CFAP299: variants seen among roughly 807,000 people sequenced by gnomAD.
CFAP299 encodes cilia and flagella associated protein 299.
In CFAP299, 21 loss-of-function variants were observed where a neutral mutation model predicts 27.0. The observed-to-expected ratio is 0.78, with a 90% CI of 0.55 to 1.12. The LOEUF is 1.12. Ranked by LOEUF, CFAP299 falls within the 50% of genes most tolerant of loss-of-function variation. CFAP299 has a pLI of 0.00. For missense variants in CFAP299, 310 were observed against 276.6 expected (o/e 1.12, Z -0.86); for synonymous variants, 104 against 98.1 (o/e 1.06, Z -0.36).
At chr4:80,719,075 A>C (rs1038143504) in intron 3 of CFAP299, among the ~76,000 whole-genome samples, 1 of 152,160 alleles carries the variant, frequency 6.6e-6, no homozygotes, top group East Asian at 1.9e-4. Context: ...CTTACTTATA[A>C]GTGGGAGCTA....
chr4:80,806,480 C>A (rs1253762926), intron 3 of CFAP299, among the ~76,000 whole-genome samples: 1 of 152,112 alleles, frequency 6.6e-6, no homozygotes. Flanking sequence ...ATTCATTCAG[C>A]AAATATTTAT....
At chr4:80,447,609 C>A (rs1320468797) in intron 2 of CFAP299, among the ~76,000 whole-genome samples, 1 of 151,940 alleles carries the variant, frequency 6.6e-6, no homozygotes, top group African/African-American at 2.4e-5. Flanking sequence ...TATGCGCCAC[C>A]ATGCCCTGCT....
At chr4:80,865,668 G>A (rs924619281) in intron 3 of CFAP299, among the ~76,000 whole-genome samples, 3 of 151,762 alleles carry the variant, frequency 2.0e-5, no homozygotes, top group Non-Finnish European at 2.9e-5. Context: ...TCACTAAAAA[G>A]TCTTCTTAAA....
chr4:80,865,479 A>G (rs752350617), intron 3 of CFAP299, among the ~76,000 whole-genome samples: 5 of 152,182 alleles, frequency 3.3e-5, no homozygotes, highest in Non-Finnish European at 5.9e-5. Context: ...CTGCCTCTAT[A>G]ACCCTCAACT....
chr4:80,866,427 T>C (rs550782256), intron 3 of CFAP299, among the ~76,000 whole-genome samples: 13 of 152,040 alleles, frequency 8.6e-5, no homozygotes, highest in Non-Finnish European at 1.9e-4. Flanking sequence ...GCAGGGAGTC[T>C]CTGTTGCTCT....
At chr4:80,841,629 C>T (rs1398504871) in intron 3 of CFAP299, among the ~76,000 whole-genome samples, 2 of 151,936 alleles carry the variant, frequency 1.3e-5, no homozygotes, top group Non-Finnish European at 2.9e-5. Flanking sequence ...ATTAGGATCC[C>T]CAGATAACTA....
At chr4:80,374,332 C>T (rs1724298136) in intron 2 of CFAP299, among the ~76,000 whole-genome samples, 1 of 152,000 alleles carries the variant, frequency 6.6e-6, no homozygotes, top group African/African-American at 2.4e-5. Context: ...CCTACCATGT[C>T]CCTATCTGTG....
At position 80,493,664 on chromosome 4, in the gene CFAP299, A is replaced by T. The variant is rs188752425; in HGVS notation, c.243-89429A>T. 5.0e-3 allele frequency among the ~76,000 whole-genome samples: 764 copies of T among 151,946 alleles called. 4 individuals are homozygous for T. Among genetic ancestry groups the T allele is most frequent in the Middle Eastern group, 0.017 (5 of 290 alleles). ...ATTCTTTGAAGAGCATTTAGAATTC[A>T]TATTCAATACCATAGCTACAGACTA... On this transcript the variant is annotated intron_variant, in intron 2 of 5. Coordinates refer to ENST00000358105, the MANE Select transcript of CFAP299 (RefSeq NM_152770.3).
chr4:80,575,165 G>A (rs944251678), intron 2 of CFAP299, among the ~76,000 whole-genome samples: 11 of 151,684 alleles, frequency 7.3e-5, no homozygotes, highest in Non-Finnish European at 5.9e-5. Context: ...TTTATGTTTT[G>A]GTTTTCTTCA....
At chr4:80,400,625 G>A (rs187857018) in intron 2 of CFAP299, among the ~76,000 whole-genome samples, 58 of 152,174 alleles carry the variant, frequency 3.8e-4, no homozygotes, top group African/African-American at 8.9e-4. Context: ...GGAATTGTCC[G>A]TCCAATTAAA....
intron 2 of CFAP299, among the ~76,000 whole-genome samples, chr4:80,412,203 G>A (rs1442898737): frequency 9.9e-5 from 15 of 151,622 alleles, no homozygotes; most frequent in East Asian, 9.7e-4. Context: ...AAACTTTCAC[G>A]GTCATCATTT....
At chr4:80,333,249 G>A (rs17534376), upstream of CFAP299, among the ~76,000 whole-genome samples, 3,254 of 152,204 alleles carry the variant, frequency 0.021, 70 homozygotes, top group Admixed American at 0.069. Context: ...ATCTCATCAC[G>A]AGAAATAGCT....
intron 1 of CFAP299, among the ~76,000 whole-genome samples, chr4:80,356,197 T>C (rs911983302): frequency 6.6e-6 from 1 of 152,180 alleles, no homozygotes; most frequent in Non-Finnish European, 1.5e-5. Context: ...CATTGGTCTA[T>C]GTGCCTGTTT....
intron 2 of CFAP299, among the ~76,000 whole-genome samples, chr4:80,460,784 TC>T (rs757399055): frequency 3.3e-5 from 5 of 152,276 alleles, no homozygotes; most frequent in Admixed American, 1.3e-4. Context: ...TGTGGATTTG[TC>T]CCAAAATCTA....
chr4:80,887,652 T>A (rs1489821809), intron 4 of CFAP299, among the ~76,000 whole-genome samples: 1 of 152,174 alleles, frequency 6.6e-6, no homozygotes, highest in Non-Finnish European at 1.5e-5. Flanking sequence ...AATAACTCAC[T>A]GGTAATAGTG....
At chr4:80,453,583 G>T (rs1310021425) in intron 2 of CFAP299, among the ~76,000 whole-genome samples, 2 of 152,002 alleles carry the variant, frequency 1.3e-5, no homozygotes, top group Non-Finnish European at 2.9e-5. Context: ...GCTCACGCCT[G>T]TAATCCCAGC....
At chr4:80,330,166 C>G in the CFAP299 span, among the ~76,000 whole-genome samples, 1 of 152,082 alleles carries the variant, frequency 6.6e-6, no homozygotes, top group Non-Finnish European at 1.5e-5. Flanking sequence ...AAAATTCTTT[C>G]CCCAAAGCTT....
intron 2 of CFAP299, among the ~76,000 whole-genome samples, chr4:80,404,305 C>T (rs1726308658): frequency 6.6e-6 from 1 of 151,274 alleles, no homozygotes; most frequent in Admixed American, 6.6e-5. Flanking sequence ...TTAAATTTAC[C>T]ATCTTAACCA....
At chr4:80,886,474 G>C (rs144008275) in intron 4 of CFAP299, among the ~76,000 whole-genome samples, 1 of 152,254 alleles carries the variant, frequency 6.6e-6, no homozygotes, top group East Asian at 1.9e-4. Flanking sequence ...TCTCTGCCTG[G>C]TAATCCAGAG....
Sources: allele counts gnomAD v4.1 joint callset (sites outside exome capture counted in the v4.1 genomes callset), GRCh38; gene constraint gnomAD v4.1.1; transcripts MANE v1.5; gene names NCBI Gene and HGNC (gene_info 2026-07-23, HGNC 2026-07-21).